The following CNTN1 variants were observed in gnomAD, a reference collection of about 807,000 sequenced individuals.
CNTN1 encodes contactin-1.
A neutral mutation model predicts 126.4 loss-of-function variants in CNTN1; 38 were observed. The observed-to-expected ratio is 0.30, with a 90% confidence interval of 0.23 to 0.39. CNTN1 has a LOEUF of 0.39. CNTN1 is among the 10% of genes least tolerant of loss of function. The probability of loss-of-function intolerance (pLI) is 1.00; values close to 1 mark genes in which losing one functional copy is unlikely to be tolerated. For synonymous variants in CNTN1, 413 were observed against 422.6 expected (o/e 0.98, Z 0.28); for missense variants, 1,009 against 1,248.4 (o/e 0.81, Z 2.89).
chr12:40,828,528 G>C (rs1941695007), intron 1 of CNTN1, among the ~76,000 whole-genome samples: 2 of 152,112 alleles, frequency 1.3e-5, no homozygotes, highest in African/African-American at 4.8e-5. Context: ...GAATGTACTA[G>C]AGCTCGAATG....
chr12:40,872,250 G>A (rs1943528589), intron 1 of CNTN1, among the ~76,000 whole-genome samples: 1 of 147,822 alleles, frequency 6.8e-6, no homozygotes, highest in Non-Finnish European at 1.5e-5. Flanking sequence ...GTGTGTGTGT[G>A]TGTGTGTGTG....
At chr12:40,921,543 T>G (rs991540154) in intron 4 of CNTN1, among the ~76,000 whole-genome samples, 2 of 152,202 alleles carry the variant, frequency 1.3e-5, no homozygotes, top group African/African-American at 4.8e-5. Context: ...CTGCAGCATG[T>G]CTTATATTGT....
intron 1 of CNTN1, among the ~76,000 whole-genome samples, chr12:40,880,425 G>T (rs1943831893): frequency 6.6e-6 from 1 of 151,952 alleles, no homozygotes; most frequent in Admixed American, 6.6e-5. Flanking sequence ...AAATAATAAA[G>T]TCATCAAGTT....
intron 5 of CNTN1, among the ~76,000 whole-genome samples, chr12:40,922,736 G>A (rs1253082151): frequency 6.6e-6 from 1 of 152,102 alleles, no homozygotes; most frequent in African/African-American, 2.4e-5. Flanking sequence ...ACTTTGGGAG[G>A]CTGAGGCTGG....
chr12:40,830,996 T>C (rs1263828074), intron 1 of CNTN1, among the ~76,000 whole-genome samples: 8 of 142,420 alleles, frequency 5.6e-5, no homozygotes, highest in African/African-American at 2.0e-4. Flanking sequence ...ATGAAACATA[T>C]ATACTATAAG....
intron 11 of CNTN1, among the ~76,000 whole-genome samples, chr12:40,938,252 G>A (rs7305733): frequency 0.24 from 37,174 of 152,026 alleles, 4,969 homozygotes; most frequent in Middle Eastern, 0.34. Flanking sequence ...CCTTTTTTAA[G>A]CCTCTGTATT....
At chr12:40,885,090 A>T (rs1344906693) in intron 1 of CNTN1, among the ~76,000 whole-genome samples, 1 of 151,638 alleles carries the variant, frequency 6.6e-6, no homozygotes, top group Non-Finnish European at 1.5e-5. Context: ...TCATATCTTT[A>T]CCTGTTAGCA....
chr12:41,034,888 G>A (rs548822671), intron 23 of CNTN1, among the ~76,000 whole-genome samples: 3 of 152,248 alleles, frequency 2.0e-5, no homozygotes, highest in Admixed American at 2.0e-4. Flanking sequence ...ACTTTGGGAG[G>A]CAACTCATAG....
At chr12:40,963,353 T>C (rs1947175337) in intron 15 of CNTN1, among the ~76,000 whole-genome samples, 1 of 152,048 alleles carries the variant, frequency 6.6e-6, no homozygotes, top group South Asian at 2.1e-4. Flanking sequence ...AGTTTATTTT[T>C]TTCCTATGAA....
chr12:40,741,651 T>C, intron 1 of CNTN1, among the ~76,000 whole-genome samples: 1 of 152,174 alleles, frequency 6.6e-6, no homozygotes, highest in Non-Finnish European at 1.5e-5. Context: ...TTAATTCTAT[T>C]TTACAGATGA....
intron 1 of CNTN1, among the ~76,000 whole-genome samples, chr12:40,780,221 T>G (rs1246902776): frequency 2.0e-5 from 3 of 152,038 alleles, no homozygotes; most frequent in African/African-American, 7.2e-5. Flanking sequence ...TTGTACAGGA[T>G]GATCATGGGA....
rs182544060 is a variant in CNTN1, at chr12:40,909,572, A to G, written c.62-501A>G. Among the ~76,000 whole-genome samples the G allele has an allele frequency of 4.3e-3, 658 of 151,948 alleles. 4 individuals are homozygous for G. The highest frequency in any genetic ancestry group is 0.015 in the African/African-American group (617 of 41,492). ...CGGGCATCATTATTAAGAACATAAA[A>G]AAATATTATTTTATTTTGGGGAATA... On this transcript the variant is annotated intron_variant, in intron 2 of 23. Transcript: ENST00000551295.
At chr12:40,874,742 T>C (rs1380293464) in intron 1 of CNTN1, among the ~76,000 whole-genome samples, 1 of 152,190 alleles carries the variant, frequency 6.6e-6, no homozygotes, top group African/African-American at 2.4e-5. Flanking sequence ...TTGATGTATA[T>C]TTAGGTGTGT....
intron 14 of CNTN1, among the ~76,000 whole-genome samples, chr12:40,949,581 T>C (rs1406322340): frequency 7.6e-6 from 1 of 132,150 alleles, no homozygotes; most frequent in African/African-American, 2.8e-5. Flanking sequence ...TTTTTTTTTT[T>C]TTTTTTTTTT....
chr12:40,923,220 A>C (rs560874638), intron 5 of CNTN1, among the ~76,000 whole-genome samples: 3 of 152,096 alleles, frequency 2.0e-5, no homozygotes, highest in Non-Finnish European at 4.4e-5. Context: ...AAATTACATG[A>C]AACATTTCTT....
At chr12:40,954,366 A>T (rs1946795842) in intron 14 of CNTN1, among the ~76,000 whole-genome samples, 1 of 151,952 alleles carries the variant, frequency 6.6e-6, no homozygotes. Flanking sequence ...ATTATTTTAT[A>T]TTTTATTTTT....
At chr12:40,955,944 A>G (rs1212856524) in intron 14 of CNTN1, among the ~76,000 whole-genome samples, 1 of 152,084 alleles carries the variant, frequency 6.6e-6, no homozygotes, top group Non-Finnish European at 1.5e-5. Flanking sequence ...ATAGCAAAGT[A>G]TACCCTATTC....
chr12:40,712,606 C>T (rs567282682), intron 1 of CNTN1, among the ~76,000 whole-genome samples: 11 of 152,056 alleles, frequency 7.2e-5, no homozygotes, highest in South Asian at 6.2e-4. Context: ...CATAGCCTAA[C>T]GTGTAACTGG....
At chr12:40,779,924 CTT>C (rs1565724665) in intron 1 of CNTN1, among the ~76,000 whole-genome samples, 1 of 151,876 alleles carries the variant, frequency 6.6e-6, no homozygotes, top group African/African-American at 2.4e-5. Flanking sequence ...TATGAGGACT[CTT>C]TTACATTGGA....
Sources: gnomAD v4.1 joint callset for allele counts (sites outside exome capture counted in the v4.1 genomes callset) on GRCh38, gnomAD v4.1.1 for gene constraint, MANE v1.5 for transcripts, NCBI Gene and HGNC (gene_info 2026-07-23, HGNC 2026-07-21) for gene names.